IFT27: variants seen among roughly 807,000 people sequenced by gnomAD.
IFT27 encodes intraflagellar transport protein 27 homolog.
IFT27 carries 19 observed loss-of-function variants against 23.9 expected under a neutral mutation model. The ratio of observed to expected loss-of-function variants is 0.79; its 90% CI spans 0.55 to 1.16. The LOEUF (loss-of-function observed/expected upper bound fraction) is 1.16, where lower values mean the gene tolerates loss of function less well. IFT27 is among the 50% of genes most tolerant of loss of function. IFT27 has a pLI of 0.00. For missense variants in IFT27, 206 were observed against 228.7 expected (o/e 0.90, Z 0.64); for synonymous variants, 91 against 89.1 (o/e 1.02, Z -0.12).
Position 36,773,468 on chromosome 22 carries a change from A to G in IFT27, c.34+2206T>C, listed in dbSNP as rs141685365. Among the ~76,000 whole-genome samples the G allele has an allele frequency of 4.6e-3, 705 of 152,150 alleles. 5 individuals carry two copies. The highest frequency in any genetic ancestry group is 0.016 in the African/African-American group (683 of 41,506). ...GGAGTTCAAGACCAGCCTGGCTAAC[A>G]TGGTGAAACCCAGTCTCCACTAAAA... On this transcript the variant is annotated intron_variant, in intron 1 of 6. Coordinates refer to ENST00000433985, the MANE Select transcript of IFT27 (RefSeq NM_001177701.3).
rs1403776871 is a variant in IFT27, at chr22:36,758,421, G to T, written c.463-12C>A. On this transcript the variant is annotated splice_polypyrimidine_tract_variant and intron_variant, in intron 6 of 6. Coordinates refer to ENST00000433985, the MANE Select transcript of IFT27 (RefSeq NM_001177701.3). ...TTTTCCATCTCTTTCTGGAAAGACA[G>T]TTTAAAAAGTTGGCTGTGTTCTTTT... 6.2e-7 allele frequency: 1 copy of T among 1,606,922 alleles called. No homozygotes were observed. The highest frequency in any genetic ancestry group is 8.5e-7 in the Non-Finnish European group (1 of 1,173,832).
chr22:36,767,461 T>C (rs2145920669), intron 2 of IFT27, 96 bp from the exon 3 acceptor site: 3 of 1,092,638 alleles, frequency 2.7e-6, no homozygotes, highest in East Asian at 2.4e-5. Flanking sequence ...AGGAGGGCTA[T>C]CTCCAGTGGA....
intron 4 of IFT27, among the ~76,000 whole-genome samples, chr22:36,765,467 T>C (rs1938220397): frequency 6.6e-6 from 1 of 151,960 alleles, no homozygotes; most frequent in South Asian, 2.1e-4. Flanking sequence ...ATGAAATCAC[T>C]ATCATTAGAT....
At chr22:36,773,360 A>T (rs1473450147) in intron 1 of IFT27, among the ~76,000 whole-genome samples, 1 of 144,642 alleles carries the variant, frequency 6.9e-6, no homozygotes, top group Admixed American at 6.9e-5. Context: ...ATTACGCCTC[A>T]AAAAAAAAGG....
Position 36,767,937 on chromosome 22 carries a change from A to T in IFT27, c.35-75T>A, listed in dbSNP as rs778348423. 2.2e-6 allele frequency: 3 copies of T among 1,356,150 alleles called. No homozygotes were observed. The South Asian group carries it at 3.5e-5, about 16-fold the overall frequency. The allele number at this position is 1,356,150 out of a possible 1,614,324, so 84.0% of individuals were successfully genotyped here. A position where few individuals can be genotyped will look rare whatever the true frequency, so the allele number is the denominator to read the frequency against. On this transcript the variant is annotated intron_variant, in intron 1 of 6. Transcript: ENST00000433985. ...TGAGAATCTCCCGCTGCAGAACATT[A>T]GTCTAGAAACCAAAAACTTCAATGA...
Position 36,763,935 on chromosome 22 carries a change from TG to T in IFT27, c.335del (p.Pro112GlnfsTer9). On this transcript the variant is annotated frameshift_variant, in exon 5 of 7. Coordinates refer to ENST00000433985, the MANE Select transcript of IFT27 (RefSeq NM_001177701.3). LOFTEE classifies it high-confidence loss of function. ...KWLEKARSQAPGISLPGVLVG... is the reference protein window; with the variant it reads ...KWLEKARSQAXGISLPGVLVG... Reference sequence around the variant, plus strand: ...AGCCCGTACCTGGGAGAGAGATGCCTGGAGCCTGTGACCGAGCCTTCTCCAG... The same window carrying T: ...AGCCCGTACCTGGGAGAGAGATGCCTGAGCCTGTGACCGAGCCTTCTCCAG... The T allele has an allele frequency of 6.2e-7, 1 of 1,613,026 alleles. No individual in the cohort carries two copies. Among genetic ancestry groups the T allele is most frequent in the Non-Finnish European group, 8.5e-7 (1 of 1,178,952 alleles).
At chr22:36,766,943 T>C (rs1163654505) in intron 3 of IFT27, 1 of 152,062 alleles carries the variant, frequency 6.6e-6, no homozygotes, top group Non-Finnish European at 1.4e-5. Flanking sequence ...TTTTTTTTTC[T>C]CGCAGACCTC....
At chr22:36,768,279 T>C in intron 1 of IFT27, 1 of 357,342 alleles carries the variant, frequency 2.8e-6, no homozygotes, top group Non-Finnish European at 5.5e-6. Flanking sequence ...CCTGTCCAAC[T>C]GACCCAACCT....
intron 3 of IFT27, 174 bp from the exon 4 acceptor site, chr22:36,766,371 G>A: frequency 1.6e-6 from 1 of 620,470 alleles, no homozygotes; most frequent in Non-Finnish European, 2.9e-6. Context: ...GGGGAAAGGA[G>A]CGAACTCCAG....
chr22:36,774,605 C>T (rs1414982878), intron 1 of IFT27, among the ~76,000 whole-genome samples: 1 of 151,956 alleles, frequency 6.6e-6, no homozygotes, highest in Admixed American at 6.6e-5. Flanking sequence ...GTCAGGAGTT[C>T]GAGACCAGTC....
At chr22:36,771,890 C>A (rs1239735759) in intron 1 of IFT27, among the ~76,000 whole-genome samples, 1 of 152,138 alleles carries the variant, frequency 6.6e-6, no homozygotes, top group Non-Finnish European at 1.5e-5. Context: ...TTCACACAAA[C>A]CCCACTGAGG....
intron 1 of IFT27, among the ~76,000 whole-genome samples, chr22:36,770,224 G>A (rs1282590216): frequency 6.6e-6 from 1 of 152,184 alleles, no homozygotes; most frequent in Non-Finnish European, 1.5e-5. Context: ...CAGTTGCCAA[G>A]GCCGATGGCC....
chr22:36,768,079 T>C (rs142331788), intron 1 of IFT27: 1 of 669,700 alleles, frequency 1.5e-6, no homozygotes, highest in Non-Finnish European at 2.8e-6. Flanking sequence ...TCTGCACGGC[T>C]AAGCCTTTTA....
intron 1 of IFT27, among the ~76,000 whole-genome samples, chr22:36,772,985 C>T (rs1938420866): frequency 6.6e-6 from 1 of 152,182 alleles, no homozygotes; most frequent in South Asian, 2.1e-4. Flanking sequence ...GAGGCGCAGG[C>T]TGGAGTTCAG....
intron 5 of IFT27, 185 bp downstream of exon 5, chr22:36,763,734 G>A (rs963319847): frequency 7.3e-6 from 5 of 685,028 alleles, no homozygotes; most frequent in South Asian, 1.5e-5. Context: ...GACTGGGAGA[G>A]GTGTGTGTGG....
At position 36,763,017 on chromosome 22, in the gene IFT27, C is replaced by T. The variant is rs747746575; in HGVS notation, c.353-4G>A. On this transcript the variant is annotated splice_region_variant and splice_polypyrimidine_tract_variant and intron_variant, in intron 5 of 6. Coordinates refer to ENST00000433985, the MANE Select transcript of IFT27 (RefSeq NM_001177701.3). ...GTCTTGTTCCCAACTAAAACACCTA[C>T]TCAGAAGAAACAACCAAAATATGGC... 1.3e-6 allele frequency: 2 copies of T among 1,590,140 alleles called. No homozygotes were observed. Among genetic ancestry groups the T allele is most frequent in the Non-Finnish European group, 8.6e-7 (1 of 1,165,478 alleles).
intron 3 of IFT27, 122 bp downstream of exon 3, chr22:36,767,184 G>A (rs989192771): frequency 2.8e-6 from 2 of 702,420 alleles, no homozygotes; most frequent in South Asian, 3.5e-5. Flanking sequence ...ATTCCGAAAT[G>A]CTCAGCCAAG....
rs538039255 is a variant in IFT27, at chr22:36,771,048, G to A, written c.35-3186C>T. ...AGCACTAACTGCTTCCTGTCTTGGGGTGTGTGTGTGTGTGTGTGTTTCCCT... is the reference window on the plus strand; with the variant it reads ...AGCACTAACTGCTTCCTGTCTTGGGATGTGTGTGTGTGTGTGTGTTTCCCT... On this transcript the variant is annotated intron_variant, in intron 1 of 6. Coordinates refer to ENST00000433985, the MANE Select transcript of IFT27 (RefSeq NM_001177701.3). Among the ~76,000 whole-genome samples the A allele has an allele frequency of 8.4e-5, 11 of 130,722 alleles. No homozygotes were observed. The South Asian group carries it at 1.3e-3, about 15-fold the overall frequency. 85.8% of individuals were successfully genotyped at this position (130,722 alleles called of 152,430 possible).
rs779629829 is a variant in IFT27, at chr22:36,762,911, G to A, written c.455C>T (p.Thr152Ile). The change falls in exon 6 of 7, where the codon ACA becomes ATA. Residue 152 changes from threonine to isoleucine, a missense_variant. Physicochemically the swap from Thr to Ile is moderately conservative, Grantham distance 89. Transcript: ENST00000433985. ...GCAAGTGGAAATACTCACCACGGAT[G>A]TTTCAAAACATTCCAGGCCCTGGCC... Reference protein sequence around the residue: ...ALGQGLECFETSVKEMENFEA... With the variant: ...ALGQGLECFEISVKEMENFEA... The A allele has an allele frequency of 1.3e-6, 2 of 1,568,382 alleles. No individual in the cohort carries two copies. Among genetic ancestry groups the A allele is most frequent in the South Asian group, 2.4e-5 (2 of 84,750 alleles).
Sources: gnomAD v4.1 joint callset for allele counts (sites outside exome capture counted in the v4.1 genomes callset) on GRCh38, gnomAD v4.1.1 for gene constraint, MANE v1.5 for transcripts, NCBI Gene and HGNC (gene_info 2026-07-23, HGNC 2026-07-21) for gene names.